MAF: variants seen among roughly 807,000 people sequenced by gnomAD.
MAF encodes the protein transcription factor Maf.
A neutral mutation model predicts 22.0 loss-of-function variants in MAF; 10 were observed. That is an observed-to-expected ratio of 0.45 (90% CI 0.28 to 0.77). The LOEUF (loss-of-function observed/expected upper bound fraction) is 0.77. Among genes scored for constraint, MAF ranks in the 30% least tolerant of loss-of-function variants. The probability of loss-of-function intolerance (pLI) is 0.12; values close to 1 mark genes in which losing one functional copy is unlikely to be tolerated. For missense variants in MAF, 544 were observed against 548.4 expected (o/e 0.99, Z 0.08); for synonymous variants, 337 against 255.8 (o/e 1.32, Z -3.03).
chr16:79,431,373 A>G, the MAF span, among the ~76,000 whole-genome samples: 1 of 152,220 alleles, frequency 6.6e-6, no homozygotes, highest in Non-Finnish European at 1.5e-5. Flanking sequence ...CTAACCAAAT[A>G]ACATTAAGCA....
At chr16:79,312,024 G>C in the MAF span, among the ~76,000 whole-genome samples, 1 of 152,060 alleles carries the variant, frequency 6.6e-6, no homozygotes, top group African/African-American at 2.4e-5. Context: ...ACCTTGAGTA[G>C]CTTGCAAAAC....
At chr16:79,437,038 T>A in the MAF span, among the ~76,000 whole-genome samples, 82 of 152,306 alleles carry the variant, frequency 5.4e-4, no homozygotes, top group East Asian at 0.015. Context: ...AGTTTGAACG[T>A]GCATGAATGG....
the MAF span, among the ~76,000 whole-genome samples, chr16:79,446,666 G>T: frequency 6.6e-6 from 1 of 152,034 alleles, no homozygotes; most frequent in African/African-American, 2.4e-5. Context: ...CACTCTCAGT[G>T]CTTTGGGAGG....
the MAF span, among the ~76,000 whole-genome samples, chr16:79,473,341 T>C: frequency 3.9e-5 from 6 of 152,114 alleles, no homozygotes; most frequent in Non-Finnish European, 8.8e-5. Flanking sequence ...ATAACAATGA[T>C]TGTTCCAGGA....
Position 79,599,310 on chromosome 16 carries a change from C to T in MAF, c.593G>A (p.Gly198Asp), listed in dbSNP as rs1913830222. ...AAGHHHHPTA[G>D]APGAAGSAAA... ...CGCGCTGCCCGCGGCGCCGGGCGCG[C>T]CGGCCGTCGGGTGGTGGTGGTGGCC... The change falls in exon 1 of 2, where the codon GGC becomes GAC. Residue 198 changes from glycine (G) to aspartate (D), a missense_variant. By Grantham distance (94) the Gly-to-Asp change is moderately conservative. Around this residue, in one of 5 missense-constraint regions of MAF, gnomAD observed 342 missense variants for 315.5 expected, o/e 1.08. Coordinates refer to ENST00000326043, the MANE Select transcript of MAF (RefSeq NM_005360.5). 1 of 982,196 alleles carries T rather than the reference C, an allele frequency of 1.0e-6. No homozygotes were observed. Among genetic ancestry groups the T allele is most frequent in the Non-Finnish European group, 1.2e-6 (1 of 829,620 alleles). The allele number at this position is 982,196 out of a possible 1,614,324, so 60.8% of individuals were successfully genotyped here.
At chr16:79,485,960 A>T in the MAF span, among the ~76,000 whole-genome samples, 1 of 152,264 alleles carries the variant, frequency 6.6e-6, no homozygotes, top group African/African-American at 2.4e-5. Flanking sequence ...CTCTATAAGG[A>T]TCTTGCAGAC....
chr16:79,490,673 A>G, the MAF span, among the ~76,000 whole-genome samples: 4 of 152,358 alleles, frequency 2.6e-5, no homozygotes, highest in African/African-American at 9.6e-5. Context: ...TGTATGCCAG[A>G]CTGTTACAGA....
At chr16:79,474,255 G>A in the MAF span, among the ~76,000 whole-genome samples, 90 of 152,146 alleles carry the variant, frequency 5.9e-4, no homozygotes, top group Non-Finnish European at 1.1e-3. Flanking sequence ...AAACCTTAAC[G>A]CATTTTGTAT....
At chr16:79,500,877 C>T in the MAF span, among the ~76,000 whole-genome samples, 1 of 152,140 alleles carries the variant, frequency 6.6e-6, no homozygotes, top group East Asian at 1.9e-4. Context: ...AGAATCTTGA[C>T]TGCTGACTCA....
chr16:79,224,633 C>G, the MAF span, among the ~76,000 whole-genome samples: 2,915 of 152,290 alleles, frequency 0.019, 97 homozygotes, highest in African/African-American at 0.067. Flanking sequence ...CCCAAAACCT[C>G]CTTAAGCAGA....
the MAF span, among the ~76,000 whole-genome samples, chr16:79,464,923 A>C: frequency 7.9e-5 from 12 of 152,202 alleles, no homozygotes; most frequent in Admixed American, 6.5e-4. Flanking sequence ...GTTCAAGGAG[A>C]TGATACAGAA....
the MAF span, among the ~76,000 whole-genome samples, chr16:79,557,423 C>G: frequency 6.6e-6 from 1 of 151,988 alleles, no homozygotes; most frequent in Non-Finnish European, 1.5e-5. Flanking sequence ...TGGCCATGAG[C>G]AAGAAGAAAT....
the MAF span, among the ~76,000 whole-genome samples, chr16:79,421,940 G>A: frequency 6.6e-6 from 1 of 152,248 alleles, no homozygotes; most frequent in East Asian, 1.9e-4. Context: ...ATCACACTCA[G>A]CTAATTTTTG....
At chr16:79,478,229 T>C in the MAF span, among the ~76,000 whole-genome samples, 1 of 152,228 alleles carries the variant, frequency 6.6e-6, no homozygotes, top group African/African-American at 2.4e-5. Flanking sequence ...CAATCACAGT[T>C]AGCCTTGAGC....
chr16:79,288,760 C>G, the MAF span, among the ~76,000 whole-genome samples: 1 of 151,920 alleles, frequency 6.6e-6, no homozygotes, highest in Admixed American at 6.5e-5. Flanking sequence ...GATAGGGTCT[C>G]GCTGTGTCAC....
chr16:79,422,353 T>C, the MAF span, among the ~76,000 whole-genome samples: 3 of 152,214 alleles, frequency 2.0e-5, no homozygotes, highest in African/African-American at 4.8e-5. Context: ...CTTCTGTTTT[T>C]ATTAGTGCTC....
chr16:79,210,025 A>G, the MAF span, among the ~76,000 whole-genome samples: 62 of 152,340 alleles, frequency 4.1e-4, 1 homozygote, highest in South Asian at 2.1e-4. Flanking sequence ...ACCAGCTACT[A>G]TTAAGTTCAA....
At chr16:79,564,207 C>G in the MAF span, among the ~76,000 whole-genome samples, 2 of 152,168 alleles carry the variant, frequency 1.3e-5, no homozygotes, top group Non-Finnish European at 2.9e-5. Context: ...TTTACCTTAG[C>G]AATTTTTTGT....
the MAF span, among the ~76,000 whole-genome samples, chr16:79,228,350 G>A: frequency 6.6e-6 from 1 of 152,076 alleles, no homozygotes; most frequent in Non-Finnish European, 1.5e-5. Flanking sequence ...CAGTCTAAAT[G>A]AGGGCAAGGT....
Sources: gnomAD v4.1 joint callset for allele counts (sites outside exome capture counted in the v4.1 genomes callset) on GRCh38, gnomAD v4.1.1 for gene constraint, gnomAD v4.1.1 regional missense constraint, MANE v1.5 for transcripts, NCBI Gene and HGNC (gene_info 2026-07-23, HGNC 2026-07-21) for gene names.